LARGE1: variants seen among roughly 807,000 people sequenced by gnomAD.
The protein encoded by LARGE1 is LARGE xylosyl- and glucuronyltransferase 1.
A neutral mutation model predicts 87.6 loss-of-function variants in LARGE1; 43 were observed. That is an observed-to-expected ratio of 0.49 (90% CI 0.38 to 0.63). The LOEUF (loss-of-function observed/expected upper bound fraction) is 0.63. LARGE1 is among the 30% of genes least tolerant of loss of function. LARGE1 has a pLI of 0.00. For missense variants in LARGE1, 802 were observed against 1,000.2 expected (o/e 0.80, Z 2.67); for synonymous variants, 434 against 394.6 (o/e 1.10, Z -1.18).
chr22:33,863,754 C>T (rs868865433), intron 1 of LARGE1, among the ~76,000 whole-genome samples: 15 of 146,938 alleles, frequency 1.0e-4, no homozygotes, highest in Non-Finnish European at 2.1e-4. Flanking sequence ...GATGACAGAG[C>T]GAGACTCTGT....
At chr22:33,786,019 T>C (rs1160193334) in intron 1 of LARGE1, among the ~76,000 whole-genome samples, 2 of 152,184 alleles carry the variant, frequency 1.3e-5, no homozygotes, top group Non-Finnish European at 2.9e-5. Context: ...CAGCACTAAA[T>C]TGCCTGGAGG....
intron 9 of LARGE1, among the ~76,000 whole-genome samples, chr22:33,339,695 A>G (rs1426594931): frequency 2.6e-5 from 4 of 151,868 alleles, no homozygotes; most frequent in African/African-American, 4.9e-5. Flanking sequence ...TATTTATAAA[A>G]TATTTATTTG....
At chr22:33,223,715 G>A (rs185726782) in intron 11 of LARGE1, among the ~76,000 whole-genome samples, 6 of 152,098 alleles carry the variant, frequency 3.9e-5, no homozygotes, top group Non-Finnish European at 8.8e-5. Context: ...TCAATGACTC[G>A]GTTTAGACTC....
chr22:33,878,440 T>C (rs2146736222), intron 1 of LARGE1, among the ~76,000 whole-genome samples: 1 of 152,294 alleles, frequency 6.6e-6, no homozygotes, highest in South Asian at 2.1e-4. Context: ...GCTTATATTG[T>C]ATTTCTATCT....
At chr22:33,817,632 G>C (rs1466510422) in intron 1 of LARGE1, among the ~76,000 whole-genome samples, 1 of 152,098 alleles carries the variant, frequency 6.6e-6, no homozygotes, top group Non-Finnish European at 1.5e-5. Context: ...AGAGCACAGA[G>C]CTGCTCGAAC....
chr22:33,860,623 G>A (rs1341170153), intron 1 of LARGE1, among the ~76,000 whole-genome samples: 1 of 152,146 alleles, frequency 6.6e-6, no homozygotes, highest in Non-Finnish European at 1.5e-5. Context: ...CTGTGAAGGT[G>A]GTGGTGGGAT....
At chr22:33,798,984 C>T (rs1413614568) in intron 1 of LARGE1, among the ~76,000 whole-genome samples, 2 of 152,162 alleles carry the variant, frequency 1.3e-5, no homozygotes, top group African/African-American at 2.4e-5. Context: ...AAAACAACAA[C>T]ACTGTGGACC....
At chr22:33,580,555 T>C (rs762292581) in intron 5 of LARGE1, among the ~76,000 whole-genome samples, 18 of 152,246 alleles carry the variant, frequency 1.2e-4, no homozygotes, top group South Asian at 4.1e-4. Context: ...TCACAGTGAG[T>C]GAGCTCGAGA....
the LARGE1 span, among the ~76,000 whole-genome samples, chr22:33,102,144 C>T: frequency 6.7e-6 from 1 of 149,360 alleles, no homozygotes; most frequent in African/African-American, 2.5e-5. Context: ...CTGATGTTCA[C>T]GGGCCCCAGT....
intron 2 of LARGE1, among the ~76,000 whole-genome samples, chr22:33,729,896 A>G (rs572723284): frequency 6.6e-6 from 1 of 152,340 alleles, no homozygotes; most frequent in South Asian, 2.1e-4. Context: ...TGGAGGACCT[A>G]TAAGATGCCA....
intron 1 of LARGE1, among the ~76,000 whole-genome samples, chr22:33,918,108 T>A (rs2065840061): frequency 6.6e-6 from 1 of 152,174 alleles, no homozygotes; most frequent in Non-Finnish European, 1.5e-5. Flanking sequence ...CGTCACAACC[T>A]TCCCAAGAGA....
chr22:33,204,101 T>C (rs1924567165), intron 11 of LARGE1, among the ~76,000 whole-genome samples: 1 of 152,104 alleles, frequency 6.6e-6, no homozygotes, highest in Non-Finnish European at 1.5e-5. Flanking sequence ...GGTATGCATA[T>C]AACATTTGGA....
Position 33,604,470 on chromosome 22 carries a change from C to T in LARGE1, c.580G>A (p.Val194Met). The T allele has an allele frequency of 6.2e-7, 1 of 1,614,134 alleles. No homozygotes were observed. Among genetic ancestry groups the T allele is most frequent in the Non-Finnish European group, 8.5e-7 (1 of 1,180,004 alleles). Residue 194 changes from valine to methionine, a missense_variant, in exon 5 of 15, where the codon GTG becomes ATG. By Grantham distance (21) the Val-to-Met change is conservative. This residue lies in a region of LARGE1 where 625 missense variants were observed against 841.9 expected (regional missense o/e 0.74). Coordinates refer to ENST00000397394, the MANE Select transcript of LARGE1 (RefSeq NM_133642.5). ...TCTGCATTGTAGAAGTCCACACGCA[C>T]AGCGGGCACCATCCAGGTCTGGAAG... Reference protein sequence around the residue: ...TLFQTWMVPAVRVDFYNADEL... With the variant: ...TLFQTWMVPAMRVDFYNADEL...
chr22:33,539,258 A>G, intron 6 of LARGE1, among the ~76,000 whole-genome samples: 1 of 32,402 alleles, frequency 3.1e-5, no homozygotes, highest in East Asian at 6.3e-4. Context: ...GATTAAAAGA[A>G]AAAAAAAAAG....
Position 33,273,511 on chromosome 22 carries a change from AG to A in LARGE1, c.*915del. ...CCTTCAAAGCCCTTTCCCATGAATC[AG>A]TCACTGCCAATAGAAAATGTGACCG... On this transcript the variant is annotated 3_prime_UTR_variant, in exon 15 of 15. Coordinates refer to ENST00000397394, the MANE Select transcript of LARGE1 (RefSeq NM_133642.5). 5.0e-6 allele frequency: 2 copies of A among 398,752 alleles called. No individual in the cohort carries two copies. Among genetic ancestry groups the A allele is most frequent in the Non-Finnish European group, 8.8e-6 (2 of 226,148 alleles). 24.7% of individuals were successfully genotyped at this position (398,752 alleles called of 1,614,324 possible). A position where few individuals can be genotyped will look rare whatever the true frequency, so the allele number is the denominator to read the frequency against.
At chr22:33,499,216 A>C (rs2070313608) in intron 6 of LARGE1, among the ~76,000 whole-genome samples, 3 of 152,166 alleles carry the variant, frequency 2.0e-5, no homozygotes. Flanking sequence ...TGCCCTGAAC[A>C]GGATTCGCCA....
intron 1 of LARGE1, among the ~76,000 whole-genome samples, chr22:33,765,806 A>G: frequency 6.6e-6 from 1 of 152,114 alleles, no homozygotes; most frequent in South Asian, 2.1e-4. Context: ...TAATATTCAA[A>G]TAACACTGGG....
At chr22:33,479,127 AG>A (rs1167076146) in intron 6 of LARGE1, among the ~76,000 whole-genome samples, 8 of 152,182 alleles carry the variant, frequency 5.3e-5, no homozygotes, top group African/African-American at 1.9e-4. Flanking sequence ...TGTGGCCAAG[AG>A]AAAGGTGCTC....
intron 9 of LARGE1, among the ~76,000 whole-genome samples, chr22:33,371,626 T>G (rs1377470509): frequency 6.6e-6 from 1 of 152,238 alleles, no homozygotes; most frequent in African/African-American, 2.4e-5. Context: ...CTTTGTGTAA[T>G]ATTTCAGTTT....
Sources: allele counts gnomAD v4.1 joint callset (sites outside exome capture counted in the v4.1 genomes callset), GRCh38; gene constraint gnomAD v4.1.1; regional missense constraint gnomAD v4.1.1; transcripts MANE v1.5; gene names NCBI Gene and HGNC (gene_info 2026-07-23, HGNC 2026-07-21).